The following PRIM2 variants were observed in gnomAD, a reference collection of about 807,000 sequenced individuals.
PRIM2 encodes DNA primase large subunit.
PRIM2 carries 39 observed loss-of-function variants against 67.3 expected under a neutral mutation model. That is an observed-to-expected ratio of 0.58 (90% CI 0.45 to 0.76). The LOEUF is 0.76. Among genes scored for constraint, PRIM2 ranks in the 30% least tolerant of loss-of-function variants. The probability of loss-of-function intolerance (pLI) is 0.00; values close to 1 mark genes in which losing one functional copy is unlikely to be tolerated. For synonymous variants in PRIM2, 143 were observed against 198.7 expected (o/e 0.72, Z 2.36); for missense variants, 398 against 598.7 (o/e 0.66, Z 3.50).
intron 7 of PRIM2, among the ~76,000 whole-genome samples, chr6:57,401,640 G>T (rs1484232395): frequency 5.9e-5 from 9 of 152,120 alleles, no homozygotes; most frequent in Non-Finnish European, 1.3e-4. Context: ...CTTGGAGACA[G>T]CAGAGAAAGG....
At chr6:57,514,517 G>A (rs1352628110) in intron 8 of PRIM2, among the ~76,000 whole-genome samples, 1 of 152,100 alleles carries the variant, frequency 6.6e-6, no homozygotes, top group African/African-American at 2.4e-5. Flanking sequence ...GCAGTACCTT[G>A]AACATTTATT....
intron 7 of PRIM2, among the ~76,000 whole-genome samples, chr6:57,483,880 G>A (rs1241347278): frequency 3.3e-5 from 5 of 152,184 alleles, no homozygotes; most frequent in Non-Finnish European, 7.3e-5. Flanking sequence ...AACTTGCAAT[G>A]AAATGTAAGC....
intron 7 of PRIM2, among the ~76,000 whole-genome samples, chr6:57,505,789 T>C (rs1774238532): frequency 6.6e-6 from 1 of 152,204 alleles, no homozygotes; most frequent in South Asian, 2.1e-4. Flanking sequence ...TAGAATATTT[T>C]GCTGTTACTG....
At chr6:57,577,253 A>G (rs1775979952) in intron 10 of PRIM2, among the ~76,000 whole-genome samples, 1 of 152,146 alleles carries the variant, frequency 6.6e-6, no homozygotes, top group African/African-American at 2.4e-5. Context: ...ACATGTCATA[A>G]CAAGGTTTCA....
At chr6:57,245,649 T>C in the PRIM2 span, among the ~76,000 whole-genome samples, 8 of 152,204 alleles carry the variant, frequency 5.3e-5, no homozygotes, top group African/African-American at 1.9e-4. Context: ...TCTAAGCTCC[T>C]GGTCTGGTGT....
the PRIM2 span, among the ~76,000 whole-genome samples, chr6:57,300,179 G>T: frequency 6.6e-6 from 1 of 152,250 alleles, no homozygotes; most frequent in Non-Finnish European, 1.5e-5. Context: ...TGCATCAGAA[G>T]CCAAGGCCTG....
the PRIM2 span, among the ~76,000 whole-genome samples, chr6:57,302,667 C>T: frequency 6.6e-6 from 1 of 152,064 alleles, no homozygotes; most frequent in African/African-American, 2.4e-5. Context: ...GGAAGAGTGC[C>T]TTATATAACA....
intron 8 of PRIM2, among the ~76,000 whole-genome samples, chr6:57,523,476 A>G (rs1554349094): frequency 3.3e-5 from 5 of 152,228 alleles, no homozygotes; most frequent in African/African-American, 1.2e-4. Flanking sequence ...GCCAATTCCT[A>G]AAGTGTTGCA....
chr6:57,269,154 T>C, the PRIM2 span, among the ~76,000 whole-genome samples: 1 of 152,088 alleles, frequency 6.6e-6, no homozygotes, highest in Non-Finnish European at 1.5e-5. Flanking sequence ...TACCCAGTAA[T>C]GGGATGGCTG....
At chr6:57,423,667 A>G (rs779796743) in intron 7 of PRIM2, among the ~76,000 whole-genome samples, 1 of 152,228 alleles carries the variant, frequency 6.6e-6, no homozygotes, top group Admixed American at 6.5e-5. Context: ...ATGGTGAAGT[A>G]GCCAATTAAA....
chr6:57,482,879 A>G (rs1773664003), intron 7 of PRIM2, among the ~76,000 whole-genome samples: 1 of 152,166 alleles, frequency 6.6e-6, no homozygotes, highest in Admixed American at 6.5e-5. Context: ...CCAGCATCAG[A>G]TGGTCTCCTT....
At chr6:57,235,953 C>T in the PRIM2 span, among the ~76,000 whole-genome samples, 44 of 152,246 alleles carry the variant, frequency 2.9e-4, no homozygotes, top group African/African-American at 8.9e-4. Context: ...TCCTCTAGAG[C>T]CTCCAGAAAG....
chr6:57,274,922 A>G, the PRIM2 span, among the ~76,000 whole-genome samples: 2 of 148,492 alleles, frequency 1.3e-5, no homozygotes, highest in African/African-American at 5.0e-5. Context: ...GACTACAGGC[A>G]CGTGCCTCAA....
chr6:57,594,441 TG>T (rs1343825941), intron 10 of PRIM2, among the ~76,000 whole-genome samples: 1 of 152,232 alleles, frequency 6.6e-6, no homozygotes, highest in Non-Finnish European at 1.5e-5. Context: ...ACTGTGTTAT[TG>T]GCAAAAGGAC....
intron 10 of PRIM2, among the ~76,000 whole-genome samples, chr6:57,583,749 A>G (rs1776140892): frequency 6.6e-6 from 1 of 152,276 alleles, no homozygotes; most frequent in Non-Finnish European, 1.5e-5. Flanking sequence ...AGGAATCGCC[A>G]CACTGACTTC....
the PRIM2 span, among the ~76,000 whole-genome samples, chr6:57,290,155 A>G: frequency 1.3e-5 from 2 of 152,092 alleles, no homozygotes; most frequent in African/African-American, 4.8e-5. Context: ...AGGGGTTGCA[A>G]TCTTAGTCTC....
rs574219317 is a variant in PRIM2, at chr6:57,356,154, T to C, written c.460-23747T>C. On this transcript the variant is annotated intron_variant, in intron 5 of 13. Coordinates refer to ENST00000615550, the MANE Select transcript of PRIM2 (RefSeq NM_000947.5). ...CCAGAGAGGTCATATAGCTTGTGAG[T>C]GAAGAGCATAGGCTCTGGTGCTGTA... Among the ~76,000 whole-genome samples, 582 of 152,260 alleles carry C rather than the reference T, an allele frequency of 3.8e-3. 1 individual carries two copies. The highest frequency in any genetic ancestry group is 5.5e-3 in the Non-Finnish European group (375 of 68,012).
At chr6:57,452,243 T>C (rs1772579592) in intron 7 of PRIM2, among the ~76,000 whole-genome samples, 1 of 152,210 alleles carries the variant, frequency 6.6e-6, no homozygotes. Context: ...GCAATAAACA[T>C]ATGTGTGCAT....
chr6:57,265,736 A>G, the PRIM2 span, among the ~76,000 whole-genome samples: 2 of 152,308 alleles, frequency 1.3e-5, no homozygotes, highest in South Asian at 4.1e-4. Flanking sequence ...AGACATATTT[A>G]TTATGCAGCT....
Sources: gnomAD v4.1 joint callset for allele counts (sites outside exome capture counted in the v4.1 genomes callset) on GRCh38, gnomAD v4.1.1 for gene constraint, MANE v1.5 for transcripts, NCBI Gene and HGNC (gene_info 2026-07-23, HGNC 2026-07-21) for gene names.